The following THADA variants were observed in gnomAD, a reference collection of about 807,000 sequenced individuals.
THADA encodes tRNA (32-2'-O)-methyltransferase regulator THADA.
In THADA, 213 loss-of-function variants were observed where a neutral mutation model predicts 219.8. The ratio of observed to expected loss-of-function variants is 0.97; its 90% CI spans 0.87 to 1.09. The LOEUF (loss-of-function observed/expected upper bound fraction) is 1.09. Among genes scored for constraint, THADA ranks in the 50% least tolerant of loss-of-function variants. The pLI is 0.00. For synonymous variants in THADA, 1,018 were observed against 828.9 expected, an observed-to-expected ratio of 1.23 and a Z score of -3.92; for missense variants, 2,956 against 2,311.3, an observed-to-expected ratio of 1.28 and a Z score of -5.72.
intron 22 of THADA, among the ~76,000 whole-genome samples, chr2:43,527,337 A>T (rs1439453694): frequency 1.3e-5 from 2 of 152,246 alleles, no homozygotes; most frequent in African/African-American, 2.4e-5. Flanking sequence ...GAATGAAATT[A>T]TCTGTAACTA....
Position 43,397,983 on chromosome 2 carries a change from C to G in THADA, c.4215G>C (p.Gly1405=). 6.2e-7 allele frequency: 1 copy of G among 1,613,840 alleles called. No homozygotes were observed. The highest frequency in any genetic ancestry group is 1.6e-4 in the Middle Eastern group (1 of 6,062). ...DQCFRQNHIH[G]TLLQVFHLLQ... ...CAACTTTACTTACCTGGAGAAGTGT[C>G]CCATGAATGTGGTTTTGCCGGAAAC... Residue 1405 remains glycine, a synonymous_variant, in exon 29 of 38, where the codon GGG becomes GGC. Transcript: ENST00000405975.
chr2:43,423,605 T>A (rs1241663328), intron 28 of THADA, among the ~76,000 whole-genome samples: 1 of 152,090 alleles, frequency 6.6e-6, no homozygotes, highest in African/African-American at 2.4e-5. Context: ...GCTAATTTTT[T>A]GTATTTTTGG....
At chr2:43,422,517 G>A (rs994740250) in intron 28 of THADA, among the ~76,000 whole-genome samples, 3 of 152,192 alleles carry the variant, frequency 2.0e-5, no homozygotes, top group African/African-American at 7.2e-5. Context: ...CTATCTGGAA[G>A]CAGCAACAGT....
intron 30 of THADA, among the ~76,000 whole-genome samples, chr2:43,334,150 C>T (rs1489173440): frequency 6.6e-6 from 1 of 152,112 alleles, no homozygotes; most frequent in Non-Finnish European, 1.5e-5. Context: ...TTCAGGAGCA[C>T]ACCACTCAGC....
At chr2:43,480,617 T>C (rs1009701598) in intron 26 of THADA, among the ~76,000 whole-genome samples, 6 of 151,840 alleles carry the variant, frequency 4.0e-5, no homozygotes, top group Non-Finnish European at 8.8e-5. Context: ...AAGACTAATC[T>C]GGCCAATGTA....
At chr2:43,511,113 C>T (rs1435667000) in intron 22 of THADA, among the ~76,000 whole-genome samples, 1 of 151,824 alleles carries the variant, frequency 6.6e-6, no homozygotes, top group Non-Finnish European at 1.5e-5. Context: ...TTAATTTATA[C>T]TTGCATTTTC....
At chr2:43,329,190 T>C (rs1309276559) in intron 30 of THADA, among the ~76,000 whole-genome samples, 1 of 152,254 alleles carries the variant, frequency 6.6e-6, no homozygotes, top group Non-Finnish European at 1.5e-5. Context: ...TAATAAACTA[T>C]GTGCTAGGAA....
chr2:43,406,854 G>C (rs1446913866), intron 28 of THADA, among the ~76,000 whole-genome samples: 1 of 152,162 alleles, frequency 6.6e-6, no homozygotes, highest in Non-Finnish European at 1.5e-5. Flanking sequence ...TCTTGGGCTG[G>C]GATGAGCTGC....
intron 24 of THADA, among the ~76,000 whole-genome samples, chr2:43,505,350 T>G (rs2105084708): frequency 6.6e-6 from 1 of 152,282 alleles, no homozygotes; most frequent in South Asian, 2.1e-4. Flanking sequence ...GAAAAACTAT[T>G]CAAACAAGCT....
chr2:43,453,066 T>G (rs1024947579), intron 26 of THADA, among the ~76,000 whole-genome samples: 1 of 152,086 alleles, frequency 6.6e-6, no homozygotes, highest in Non-Finnish European at 1.5e-5. Flanking sequence ...TGAGACTTAT[T>G]TACAAGAAAA....
At chr2:43,318,253 C>T (rs1678300930) in intron 31 of THADA, among the ~76,000 whole-genome samples, 1 of 151,806 alleles carries the variant, frequency 6.6e-6, no homozygotes, top group Non-Finnish European at 1.5e-5. Context: ...TGCTGCCAGG[C>T]TGGTCTCAAA....
In THADA at chr2:43,498,969, T is replaced by C; in HGVS notation, c.3622-14A>G. On this transcript the variant is annotated splice_polypyrimidine_tract_variant and intron_variant, in intron 24 of 37. Transcript: ENST00000405975. The stretch of plus-strand genomic sequence containing the variant: ...TAAAGCATGAACCTAAAACAAGAAG[T>C]TCAAAATTAGTTGTGGGTTGAAAAC... 1 of 1,554,092 alleles carries C rather than the reference T, an allele frequency of 6.4e-7. No homozygotes were observed. Among genetic ancestry groups the C allele is most frequent in the Non-Finnish European group, 8.7e-7 (1 of 1,148,236 alleles).
intron 26 of THADA, among the ~76,000 whole-genome samples, chr2:43,443,519 T>A (rs1214751059): frequency 6.6e-6 from 1 of 151,774 alleles, no homozygotes. Context: ...GCCCTGGGGG[T>A]AAATTCTCCA....
chr2:43,307,245 C>T (rs905411756), intron 31 of THADA, among the ~76,000 whole-genome samples: 3 of 152,216 alleles, frequency 2.0e-5, no homozygotes, highest in Admixed American at 2.0e-4. Flanking sequence ...AGGAGGAACC[C>T]AGAGCCCAGA....
intron 21 of THADA, chr2:43,538,620 T>G (rs1188228957): frequency 2.9e-5 from 4 of 138,518 alleles, no homozygotes; most frequent in Non-Finnish European, 6.1e-5. Context: ...AATGAGCAGC[T>G]CACAAAGGCA....
intron 31 of THADA, 98 bp downstream of exon 31, chr2:43,320,348 T>A: frequency 1.3e-6 from 1 of 789,302 alleles, no homozygotes; most frequent in Non-Finnish European, 2.1e-6. Flanking sequence ...CTTACAAAAG[T>A]AGAAGGTGGA....
intron 26 of THADA, among the ~76,000 whole-genome samples, chr2:43,435,114 G>A (rs766842815): frequency 2.6e-5 from 4 of 152,142 alleles, no homozygotes; most frequent in African/African-American, 9.7e-5. Context: ...TCACTACTAC[G>A]TATACAAATT....
chr2:43,534,919 A>G (rs13422268), intron 21 of THADA, among the ~76,000 whole-genome samples: 63,680 of 151,892 alleles, frequency 0.42, 14,760 homozygotes, highest in African/African-American at 0.6. Context: ...AGGAATCTCC[A>G]CACTGTTCTC....
At chr2:43,485,120 AG>A (rs1252229581) in intron 26 of THADA, 113 bp downstream of exon 26, 7 of 721,526 alleles carry the variant, frequency 9.7e-6, no homozygotes, top group Non-Finnish European at 1.6e-5. Context: ...GTATTTTTAT[AG>A]TTTTATGCTC....
Sources: gnomAD v4.1 joint callset for allele counts (sites outside exome capture counted in the v4.1 genomes callset) on GRCh38, gnomAD v4.1.1 for gene constraint, MANE v1.5 for transcripts, NCBI Gene and HGNC (gene_info 2026-07-23, HGNC 2026-07-21) for gene names.